SCIMP: variants seen among roughly 807,000 people sequenced by gnomAD.
SCIMP encodes the protein SLP adaptor and CSK interacting membrane protein.
Under a neutral mutation model 22.0 loss-of-function variants are expected in SCIMP, and 18 were observed. The ratio of observed to expected loss-of-function variants is 0.82; its 90% CI spans 0.56 to 1.21. The LOEUF is 1.21. Among genes scored for constraint, SCIMP ranks in the 50% most tolerant of loss-of-function variants. The probability of loss-of-function intolerance (pLI) is 0.00; values close to 1 mark genes in which losing one functional copy is unlikely to be tolerated. For synonymous variants in SCIMP, 53 were observed against 62.2 expected, an observed-to-expected ratio of 0.85 and a Z score of 0.70; for missense variants, 155 against 171.2, an observed-to-expected ratio of 0.91 and a Z score of 0.53.
chr17:5,223,837 A>C (rs1597290659), intron 1 of SCIMP, among the ~76,000 whole-genome samples: 1 of 152,200 alleles, frequency 6.6e-6, no homozygotes. Flanking sequence ...GACATGAGCC[A>C]CCGTGCCCAG....
intron 1 of SCIMP, among the ~76,000 whole-genome samples, chr17:5,224,449 TG>T (rs2074632726): frequency 2.2e-5 from 3 of 136,258 alleles, no homozygotes; most frequent in African/African-American, 3.4e-5. Context: ...TTTTTTTGTT[TG>T]TTTGTTTGTT....
At chr17:5,230,262 A>G (rs1400627221) in intron 1 of SCIMP, among the ~76,000 whole-genome samples, 1 of 152,212 alleles carries the variant, frequency 6.6e-6, no homozygotes, top group Admixed American at 6.5e-5. Context: ...ATCACCAAGC[A>G]TGAGGCATTA....
chr17:5,224,806 G>A, intron 1 of SCIMP, among the ~76,000 whole-genome samples: 1 of 152,256 alleles, frequency 6.6e-6, no homozygotes, highest in Non-Finnish European at 1.5e-5. Flanking sequence ...GCAGGGGAGA[G>A]AAATTTTGAG....
chr17:5,231,837 G>A (rs1328823074), intron 1 of SCIMP, among the ~76,000 whole-genome samples: 1 of 152,130 alleles, frequency 6.6e-6, no homozygotes, highest in Non-Finnish European at 1.5e-5. Context: ...GGCGGATCAC[G>A]AGGTCAGGAG....
chr17:5,225,846 C>T (rs906659440), intron 1 of SCIMP, among the ~76,000 whole-genome samples: 11 of 151,736 alleles, frequency 7.2e-5, no homozygotes, highest in Non-Finnish European at 1.5e-4. Context: ...TCCAGAGGCC[C>T]GGACTTGCGA....
chr17:5,215,128 C>A, intron 3 of SCIMP, 130 bp from the exon 4 acceptor site: 1 of 630,590 alleles, frequency 1.6e-6, no homozygotes, highest in Non-Finnish European at 2.9e-6. Flanking sequence ...TAATTGGAAG[C>A]ATTTCCTTTC....
At position 5,214,913 on chromosome 17, in the gene SCIMP, A is replaced by G; in HGVS notation, c.283+12T>C. On this transcript the variant is annotated intron_variant, in intron 4 of 4. Coordinates refer to ENST00000574081, the MANE Select transcript of SCIMP (RefSeq NM_207103.3). ...ACCCTAAATGAAACTGCTACCAGTA[A>G]AATATACTTACAAGAGTCTTCTAGA... is the stretch of plus-strand genomic sequence containing the variant. The G allele has an allele frequency of 1.3e-6, 2 of 1,515,362 alleles. No homozygotes were observed. Among genetic ancestry groups the G allele is most frequent in the Non-Finnish European group, 9.2e-7 (1 of 1,090,930 alleles). The allele number at this position is 1,515,362 out of a possible 1,614,324, so 93.9% of individuals were successfully genotyped here.
At chr17:5,218,184 C>G (rs1045637777) in intron 3 of SCIMP, among the ~76,000 whole-genome samples, 1 of 151,768 alleles carries the variant, frequency 6.6e-6, no homozygotes, top group Non-Finnish European at 1.5e-5. Context: ...CACCACCACA[C>G]CTGGCTAATT....
chr17:5,216,806 C>T lies in SCIMP; in HGVS notation c.210-1808G>A, dbSNP rs574705861. ...TGCTGGTAACGTCCTATTTCTTGATCTGGGTGCCAGTGACCTGGGTCTGTT... is the reference window on the plus strand; with the variant it reads ...TGCTGGTAACGTCCTATTTCTTGATTTGGGTGCCAGTGACCTGGGTCTGTT... On this transcript the variant is annotated intron_variant, in intron 3 of 4. Coordinates refer to ENST00000574081, the MANE Select transcript of SCIMP (RefSeq NM_207103.3). Among the ~76,000 whole-genome samples, 6 of 152,328 alleles carry T rather than the reference C, an allele frequency of 3.9e-5. No homozygotes were observed. In the South Asian group the frequency reaches 1.0e-3, roughly 26 times the overall value.
intron 2 of SCIMP, among the ~76,000 whole-genome samples, chr17:5,222,596 AG>A (rs1256393335): frequency 2.0e-5 from 3 of 152,192 alleles, no homozygotes; most frequent in African/African-American, 7.2e-5. Context: ...ATGGTCTCAG[AG>A]AAGGCAATCA....
chr17:5,223,071 T>C (rs2144328982), intron 2 of SCIMP, among the ~76,000 whole-genome samples: 1 of 152,262 alleles, frequency 6.6e-6, no homozygotes, highest in East Asian at 1.9e-4. Context: ...TCAAACAGAT[T>C]CTGCTTTCAC....
chr17:5,213,232 T>C (rs1160659239), intron 4 of SCIMP: 11 of 983,670 alleles, frequency 1.1e-5, no homozygotes, highest in East Asian at 1.1e-4. Flanking sequence ...TCGGTACTTA[T>C]GCTGCCCCCT....
intron 3 of SCIMP, among the ~76,000 whole-genome samples, chr17:5,216,200 AAAAT>A (rs372847208): frequency 1.6e-4 from 24 of 152,148 alleles, no homozygotes; most frequent in East Asian, 1.9e-4. Flanking sequence ...ACCTTGTCTC[AAAAT>A]AAATAAATAA....
In SCIMP at chr17:5,210,809, A is replaced by G; in HGVS notation, c.430T>C (p.Ser144Pro). The G allele has an allele frequency of 1.2e-6, 2 of 1,605,236 alleles. No individual in the cohort carries two copies. Among genetic ancestry groups the G allele is most frequent in the Non-Finnish European group, 1.7e-6 (2 of 1,177,952 alleles). The change falls in exon 5 of 5, where the codon TCA becomes CCA. Residue 144 changes from serine (S) to proline (P), a missense_variant. By Grantham distance (74) the Ser-to-Pro change is moderately conservative (BLOSUM62 -1). Coordinates refer to ENST00000574081, the MANE Select transcript of SCIMP (RefSeq NM_207103.3). The stretch of plus-strand genomic sequence containing the variant: ...AAGAAGAAATGGCTGTTTCAAAATG[A>G]TGCTTTTTCAGTATTTGCAGGGATT... Reference protein sequence around the residue: ...VEIPANTEKASF With the variant: ...VEIPANTEKAPF
At position 5,210,630 on chromosome 17, in the gene SCIMP, G is replaced by A. The variant is rs117955736; in HGVS notation, c.*171C>T. 0.015 allele frequency: 11,518 copies of A among 785,052 alleles called. 108 individuals are homozygous for A. The highest frequency in any genetic ancestry group is 0.018 in the Non-Finnish European group (9,583 of 520,300). The allele number at this position is 785,052 out of a possible 1,614,324, so 48.6% of individuals were successfully genotyped here. Reference sequence around the variant, plus strand: ...CTCCTCTGGCTGCAGTCATCCGATCGCAGGGGTGTCTTCATCTAAGGTTTG... The same window carrying A: ...CTCCTCTGGCTGCAGTCATCCGATCACAGGGGTGTCTTCATCTAAGGTTTG... On this transcript the variant is annotated 3_prime_UTR_variant, in exon 5 of 5. Transcript: ENST00000574081.
chr17:5,222,701 G>T (rs2074617362), intron 2 of SCIMP, among the ~76,000 whole-genome samples: 1 of 151,886 alleles, frequency 6.6e-6, no homozygotes, highest in East Asian at 1.9e-4. Context: ...TCTCACTCTT[G>T]TCATCCAGGC....
chr17:5,234,640 C>A (rs1220353476), intron 1 of SCIMP, 95 bp downstream of exon 1: 1 of 1,323,530 alleles, frequency 7.6e-7, no homozygotes, highest in African/African-American at 1.4e-5. Context: ...CAGTGCTGAT[C>A]GGTGGCTCCC....
chr17:5,215,498 C>T (rs1226373965), intron 3 of SCIMP, among the ~76,000 whole-genome samples: 1 of 152,136 alleles, frequency 6.6e-6, no homozygotes, highest in African/African-American at 2.4e-5. Flanking sequence ...CCTGTAATCC[C>T]ACCTATTCGG....
At position 5,223,246 on chromosome 17, in the gene SCIMP, G is replaced by A. The variant is rs1009914119; in HGVS notation, c.145+87C>T. 8 of 1,434,806 alleles carry A rather than the reference G, an allele frequency of 5.6e-6. No individual in the cohort carries two copies. In the Admixed American group the frequency reaches 8.0e-5, roughly 14 times the overall value. The allele number at this position is 1,434,806 out of a possible 1,614,324, so 88.9% of individuals were successfully genotyped here. A position where few individuals can be genotyped will look rare whatever the true frequency, so the allele number is the denominator to read the frequency against. Reference sequence around the variant, plus strand: ...CAAAATTCAGCTCATTCAGGCCCAGGATTGATTTGCTTGCCCTAAAGGAGC... The same window carrying A: ...CAAAATTCAGCTCATTCAGGCCCAGAATTGATTTGCTTGCCCTAAAGGAGC... On this transcript the variant is annotated intron_variant, in intron 2 of 4. Coordinates refer to ENST00000574081, the MANE Select transcript of SCIMP (RefSeq NM_207103.3).
Sources: gnomAD v4.1 joint callset for allele counts (sites outside exome capture counted in the v4.1 genomes callset) on GRCh38, gnomAD v4.1.1 for gene constraint, MANE v1.5 for transcripts, NCBI Gene and HGNC (gene_info 2026-07-23, HGNC 2026-07-21) for gene names.